TIMP3: variants seen among roughly 807,000 people sequenced by gnomAD.
TIMP3 encodes the protein metalloproteinase inhibitor 3.
A neutral mutation model predicts 30.0 loss-of-function variants in TIMP3; 11 were observed. The observed-to-expected ratio is 0.37, with a 90% CI of 0.23 to 0.61. The LOEUF (loss-of-function observed/expected upper bound fraction) is 0.61. Ranked by LOEUF, TIMP3 falls within the 20% of genes least tolerant of loss-of-function variation. TIMP3 has a pLI of 0.70. For missense variants in TIMP3, 181 were observed against 276.8 expected (o/e 0.65, Z 2.45); for synonymous variants, 112 against 111.3 (o/e 1.01, Z -0.04).
chr22:32,856,094 C>A (rs2048355613), intron 2 of TIMP3, among the ~76,000 whole-genome samples: 1 of 152,176 alleles, frequency 6.6e-6, no homozygotes, highest in Non-Finnish European at 1.5e-5. Context: ...CCTCCCAGGG[C>A]TCTTTTAAGG....
chr22:32,838,542 T>G (rs945461842), intron 1 of TIMP3, among the ~76,000 whole-genome samples: 6 of 152,132 alleles, frequency 3.9e-5, no homozygotes, highest in African/African-American at 1.2e-4. Flanking sequence ...TTGGGTGCTG[T>G]CCTTCCACAG....
At chr22:32,824,753 G>A (rs2047352427) in intron 1 of TIMP3, among the ~76,000 whole-genome samples, 3 of 152,168 alleles carry the variant, frequency 2.0e-5, no homozygotes, top group South Asian at 4.2e-4. Flanking sequence ...TTGTTCTTTC[G>A]CTTCTGAACC....
At position 32,803,183 on chromosome 22, in the gene TIMP3, G is replaced by A. The variant is rs546372489; in HGVS notation, c.121+1061G>A. 3.3e-5 allele frequency among the ~76,000 whole-genome samples: 5 copies of A among 152,062 alleles called. No homozygotes were observed. The South Asian group carries it at 8.3e-4, about 25-fold the overall frequency. On this transcript the variant is annotated intron_variant, in intron 1 of 4. Transcript: ENST00000266085. ...GTGTGTGCACTGGGCTGGGCTGGGC[G>A]GTGGGGTGGGACAGCCTTGCCGCCC...
chr22:32,836,627 G>T (rs533126037), intron 1 of TIMP3, among the ~76,000 whole-genome samples: 1 of 151,996 alleles, frequency 6.6e-6, no homozygotes, highest in Non-Finnish European at 1.5e-5. Flanking sequence ...CGTTTTTCTC[G>T]TACCTGTTCC....
At chr22:32,832,022 T>C (rs2047588120) in intron 1 of TIMP3, among the ~76,000 whole-genome samples, 1 of 151,940 alleles carries the variant, frequency 6.6e-6, no homozygotes, top group Admixed American at 6.6e-5. Flanking sequence ...AGTTAGCAAA[T>C]GGGCCCCTCT....
intron 1 of TIMP3, among the ~76,000 whole-genome samples, chr22:32,818,739 G>C (rs943958840): frequency 6.6e-6 from 1 of 152,164 alleles, no homozygotes; most frequent in African/African-American, 2.4e-5. Flanking sequence ...GGCCGGCCTA[G>C]GGGGAAAGTC....
chr22:32,810,176 A>C (rs1343646498), intron 1 of TIMP3, among the ~76,000 whole-genome samples: 1 of 152,164 alleles, frequency 6.6e-6, no homozygotes, highest in African/African-American at 2.4e-5. Context: ...TGGAACTAAG[A>C]GGTCTTTTTG....
In TIMP3 at chr22:32,854,783, T is replaced by C. The variant is rs116961587; in HGVS notation, c.205-2466T>C. On this transcript the variant is annotated intron_variant, in intron 2 of 4. Coordinates refer to ENST00000266085, the MANE Select transcript of TIMP3 (RefSeq NM_000362.5). Reference sequence around the variant, plus strand: ...CACTTGGCTGCGTTACCGTGCTCAGTTGGCAAGCCTTGGGGGAGAAGAGAG... The same window carrying C: ...CACTTGGCTGCGTTACCGTGCTCAGCTGGCAAGCCTTGGGGGAGAAGAGAG... 2.9e-4 allele frequency among the ~76,000 whole-genome samples: 44 copies of C among 152,300 alleles called. 2 individuals carry two copies. The East Asian group carries it at 8.5e-3, about 29-fold the overall frequency.
At chr22:32,814,305 G>GAC (rs1339963558) in intron 1 of TIMP3, among the ~76,000 whole-genome samples, 5 of 4,554 alleles carry the variant, frequency 1.1e-3, no homozygotes, top group Middle Eastern at 0.17. Flanking sequence ...AGGAAGGAGA[G>GAC]AGAGAGAGAG....
chr22:32,831,258 C>A (rs1387211101), intron 1 of TIMP3, among the ~76,000 whole-genome samples: 1 of 152,170 alleles, frequency 6.6e-6, no homozygotes, highest in Non-Finnish European at 1.5e-5. Context: ...TGAAATCAGC[C>A]ATCCAAGGTG....
chr22:32,859,301 A>C lies in TIMP3; in HGVS notation c.560A>C (p.Gln187Pro). 6.2e-7 allele frequency: 1 copy of C among 1,614,184 alleles called. No homozygotes were observed. The highest frequency in any genetic ancestry group is 8.5e-7 in the Non-Finnish European group (1 of 1,180,050). ...TCCAAACACTACGCCTGCATCCGGC[A>C]GAAGGGCGGCTACTGCAGCTGGTAC... ...YQSKHYACIR[Q>P]KGGYCSWYRG... Residue 187 changes from glutamine to proline, a missense_variant, in exon 5 of 5, where the codon CAG (glutamine) becomes CCG (proline). This residue lies in a region of TIMP3 where 47 missense variants were observed against 63.8 expected (regional missense o/e 0.74). Transcript: ENST00000266085.
At chr22:32,809,127 C>G (rs750180188) in intron 1 of TIMP3, among the ~76,000 whole-genome samples, 1 of 152,248 alleles carries the variant, frequency 6.6e-6, no homozygotes, top group Non-Finnish European at 1.5e-5. Context: ...AAGCTCCTTA[C>G]TTGCCTATCA....
At chr22:32,849,400 T>C (rs1405998052) in intron 1 of TIMP3, 52 bp from the exon 2 acceptor site, 1 of 1,547,864 alleles carries the variant, frequency 6.5e-7, no homozygotes, top group East Asian at 2.3e-5. Flanking sequence ...ATGCTGTTCC[T>C]GATGTGGTTC....
At chr22:32,818,985 C>G (rs566662355) in intron 1 of TIMP3, among the ~76,000 whole-genome samples, 5 of 152,364 alleles carry the variant, frequency 3.3e-5, no homozygotes, top group African/African-American at 1.2e-4. Flanking sequence ...GCCTCCTCCT[C>G]CTCTGACACA....
chr22:32,808,139 A>T (rs1050425449), intron 1 of TIMP3, among the ~76,000 whole-genome samples: 3 of 152,140 alleles, frequency 2.0e-5, no homozygotes, highest in Admixed American at 2.0e-4. Context: ...AGCTTTATGT[A>T]TTTATTTTGC....
At chr22:32,841,125 G>A (rs8136803) in intron 1 of TIMP3, among the ~76,000 whole-genome samples, 9 of 152,152 alleles carry the variant, frequency 5.9e-5, no homozygotes, top group Admixed American at 1.3e-4. Flanking sequence ...GAAATCACAC[G>A]TAGCTTCCCA....
chr22:32,842,645 C>A (rs1222918149), intron 1 of TIMP3, among the ~76,000 whole-genome samples: 1 of 152,322 alleles, frequency 6.6e-6, no homozygotes, highest in Middle Eastern at 3.4e-3. Context: ...TATACATTGT[C>A]TCATTTAATT....
At chr22:32,830,271 G>A (rs1167022047) in intron 1 of TIMP3, among the ~76,000 whole-genome samples, 1 of 152,154 alleles carries the variant, frequency 6.6e-6, no homozygotes, top group African/African-American at 2.4e-5. Flanking sequence ...TCACTGAGTG[G>A]TTACTTTGCA....
At chr22:32,825,964 T>TTTA (rs1195301229) in intron 1 of TIMP3, among the ~76,000 whole-genome samples, 3 of 152,126 alleles carry the variant, frequency 2.0e-5, no homozygotes, top group Admixed American at 6.5e-5. Flanking sequence ...TATCCACAAG[T>TTTA]TTATAGTAGC....
Sources: gnomAD v4.1 joint callset for allele counts (sites outside exome capture counted in the v4.1 genomes callset) on GRCh38, gnomAD v4.1.1 for gene constraint, gnomAD v4.1.1 regional missense constraint, MANE v1.5 for transcripts, NCBI Gene and HGNC (gene_info 2026-07-23, HGNC 2026-07-21) for gene names.